CPXM1: variants seen among roughly 807,000 people sequenced by gnomAD.
CPXM1 encodes the protein probable carboxypeptidase X1.
Under a neutral mutation model 80.4 loss-of-function variants are expected in CPXM1, and 72 were observed. The ratio of observed to expected loss-of-function variants is 0.90; its 90% confidence interval spans 0.74 to 1.09. The LOEUF (loss-of-function observed/expected upper bound fraction) is 1.09. Ranked by LOEUF, CPXM1 falls within the 50% of genes least tolerant of loss-of-function variation. The probability of loss-of-function intolerance (pLI) is 0.00; values close to 1 mark genes in which losing one functional copy is unlikely to be tolerated. For missense variants in CPXM1, 892 were observed against 999.4 expected, an observed-to-expected ratio of 0.89 and a Z score of 1.45; for synonymous variants, 403 against 405.6, an observed-to-expected ratio of 0.99 and a Z score of 0.08.
At chr20:2,800,124 G>A (rs1600270089) in intron 1 of CPXM1, among the ~76,000 whole-genome samples, 1 of 114,744 alleles carries the variant, frequency 8.7e-6, no homozygotes, top group African/African-American at 3.3e-5. Flanking sequence ...GTGCGCGCGC[G>A]TGCACTGTGT....
rs1324670344 is a variant in CPXM1, at chr20:2,795,497, AC to A, written c.1721-82del. On this transcript the variant is annotated intron_variant, in intron 11 of 13. Coordinates refer to ENST00000380605, the MANE Select transcript of CPXM1 (RefSeq NM_019609.5). This position sits in a 1 kb window ranked among gnomAD's most constrained non-coding sequence, Gnocchi z 5.4. ...CGCTACCCTCCCTTCTCTGAGGGAC[AC>A]TTCAGAGTGGGAACAGACGCCAGCA... is the stretch of plus-strand genomic sequence containing the variant. The A allele has an allele frequency of 6.3e-7, 1 of 1,583,046 alleles. No individual in the cohort carries two copies. Among genetic ancestry groups the A allele is most frequent in the African/African-American group, 1.3e-5 (1 of 74,448 alleles).
chr20:2,796,716 G>A lies in CPXM1; in HGVS notation c.922-66C>T. Reference sequence around the variant, plus strand: ...GTACACCCAGGGGCAGATCACATGTGCCATGGAAAGACTTAAAAAGTCAGC... The same window carrying A: ...GTACACCCAGGGGCAGATCACATGTACCATGGAAAGACTTAAAAAGTCAGC... On this transcript the variant is annotated intron_variant, in intron 7 of 13. Coordinates refer to ENST00000380605, the MANE Select transcript of CPXM1 (RefSeq NM_019609.5). The surrounding 1 kb of genome is among the most constrained non-coding windows in gnomAD (Gnocchi z 6.8). The A allele has an allele frequency of 1.3e-6, 2 of 1,588,940 alleles. No individual in the cohort carries two copies. The highest frequency in any genetic ancestry group is 1.7e-6 in the Non-Finnish European group (2 of 1,165,338).
rs1343753883 is a variant in CPXM1, at chr20:2,796,413, A to G, written c.1076T>C (p.Met359Thr). The stretch of plus-strand genomic sequence containing the variant: ...CCGCCCCAGGGCCTCGTTCCCATGC[A>G]TGCCAGCCACGTAGCGCACCTCAGG... ...GEPEVRYVAG[M>T]HGNEALGREL... is the part of the protein sequence containing the mutation. Residue 359 changes from methionine to threonine, a missense_variant, in exon 9 of 14, where the codon ATG (methionine) becomes ACG (threonine). Met to Thr is a moderately conservative substitution (Grantham distance 81). Transcript: ENST00000380605. This position sits in a 1 kb window ranked among gnomAD's most constrained non-coding sequence, Gnocchi z 6.8. 3.1e-6 allele frequency: 5 copies of G among 1,614,084 alleles called. No individual in the cohort carries two copies. The highest frequency in any genetic ancestry group is 4.2e-6 in the Non-Finnish European group (5 of 1,179,984).
chr20:2,795,725 G>A lies in CPXM1; in HGVS notation c.1594C>T (p.Leu532Phe), dbSNP rs2088498612. The change falls in exon 11 of 14, where the codon CTC (leucine) becomes TTC (phenylalanine). Residue 532 changes from leucine to phenylalanine, a missense_variant. Physicochemically the swap from Leu to Phe is conservative, Grantham distance 22. Coordinates refer to ENST00000380605, the MANE Select transcript of CPXM1 (RefSeq NM_019609.5). This position sits in a 1 kb window ranked among gnomAD's most constrained non-coding sequence, Gnocchi z 5.4. ...TTACTGCCAGCATAGACAGTGCTGA[G>A]CCAGCGAAACACAGCATCATCTGGT... Reference protein sequence around the residue: ...PTPDDAVFRWLSTVYAGSNLA... With the variant: ...PTPDDAVFRWFSTVYAGSNLA... The A allele has an allele frequency of 1.2e-6, 2 of 1,613,972 alleles. No homozygotes were observed. Among genetic ancestry groups the A allele is most frequent in the East Asian group, 2.2e-5 (1 of 44,888 alleles).
Position 2,795,676 on chromosome 20 carries a change from C to T in CPXM1, c.1643G>A (p.Arg548His), listed in dbSNP as rs1378424023. The change falls in exon 11 of 14, where the codon CGC (arginine) becomes CAC (histidine). Residue 548 changes from arginine to histidine, a missense_variant. By Grantham distance (29) the Arg-to-His change is conservative. This residue lies in a region of CPXM1 where 874 missense variants were observed against 958.4 expected (regional missense o/e 0.91). Transcript: ENST00000380605. This position sits in a 1 kb window ranked among gnomAD's most constrained non-coding sequence, Gnocchi z 5.4. ...GSNLAMQDTS[R>H]RPCHSQDFSV... ...GAAGTCCTGGCTGTGGCAGGGTCGG[C>T]GGCTGGTGTCCTGCATGGCCAGATT... 34 of 1,613,896 alleles carry T rather than the reference C, an allele frequency of 2.1e-5. No homozygotes were observed. The highest frequency in any genetic ancestry group is 2.5e-5 in the Non-Finnish European group (30 of 1,180,024).
chr20:2,797,375 C>A, intron 5 of CPXM1, 33 bp from the exon 6 acceptor site: 1 of 1,447,532 alleles, frequency 6.9e-7, no homozygotes, highest in East Asian at 2.5e-5. Context: ...TGTGGCTGCT[C>A]AAACCCCAGA....
chr20:2,798,132 C>T lies in CPXM1; in HGVS notation c.590+20G>A, dbSNP rs1333691246. 1.9e-6 allele frequency: 3 copies of T among 1,613,736 alleles called. No homozygotes were observed. Among genetic ancestry groups the T allele is most frequent in the Admixed American group, 3.3e-5 (2 of 60,008 alleles). Reference sequence around the variant, plus strand: ...CCCAGTCCTTCTGTGACCTCCTGACCTAGGGTTAGTCTGCCTCACCTCCAG... The same window carrying T: ...CCCAGTCCTTCTGTGACCTCCTGACTTAGGGTTAGTCTGCCTCACCTCCAG... On this transcript the variant is annotated intron_variant, in intron 4 of 13. Coordinates refer to ENST00000380605, the MANE Select transcript of CPXM1 (RefSeq NM_019609.5).
Position 2,795,915 on chromosome 20 carries a change from G to A in CPXM1, c.1423-19C>T, listed in dbSNP as rs2088501626. The A allele has an allele frequency of 6.2e-7, 1 of 1,605,274 alleles. No homozygotes were observed. The highest frequency in any genetic ancestry group is 1.1e-5 in the South Asian group (1 of 90,472). ...GAGCCACCTGGATGGGGCAGGTCAG[G>A]AGGGGCAGGAGACAGAGACAAGGTC... On this transcript the variant is annotated intron_variant, in intron 10 of 13. Transcript: ENST00000380605. The surrounding 1 kb of genome is among the most constrained non-coding windows in gnomAD (Gnocchi z 5.4).
At position 2,797,304 on chromosome 20, in the gene CPXM1, C is replaced by T; in HGVS notation, c.720G>A (p.Leu240=). Residue 240 remains leucine, a synonymous_variant, in exon 6 of 14, where the codon CTG becomes CTA. Coordinates refer to ENST00000380605, the MANE Select transcript of CPXM1 (RefSeq NM_019609.5). ...PANSDPETPV[L]NLLPEPQVAR... is the part of the protein sequence containing the mutation. Reference sequence around the variant, plus strand: ...CCACCTGGGGCTCCGGCAGGAGGTTCAGCACTGGAGTTTCTGGGTCTGAAT... The same window carrying T: ...CCACCTGGGGCTCCGGCAGGAGGTTTAGCACTGGAGTTTCTGGGTCTGAAT... The T allele has an allele frequency of 6.4e-7, 1 of 1,555,222 alleles. No individual in the cohort carries two copies. Among genetic ancestry groups the T allele is most frequent in the Non-Finnish European group, 8.7e-7 (1 of 1,151,142 alleles).
Position 2,799,948 on chromosome 20 carries a change from G to A in CPXM1, c.172+453C>T, listed in dbSNP as rs185290618. Among the ~76,000 whole-genome samples, 24 of 152,362 alleles carry A rather than the reference G, an allele frequency of 1.6e-4. No individual in the cohort carries two copies. In the East Asian group the frequency reaches 2.3e-3, roughly 15 times the overall value. Reference sequence around the variant, plus strand: ...GGCCTGTTTTGTCTTTGGTGAAAAGGGAAGGTTTGGGGCTTGGAAGAGGCA... The same window carrying A: ...GGCCTGTTTTGTCTTTGGTGAAAAGAGAAGGTTTGGGGCTTGGAAGAGGCA... On this transcript the variant is annotated intron_variant, in intron 1 of 13. Transcript: ENST00000380605.
intron 4 of CPXM1, 26 bp downstream of exon 4, chr20:2,798,116 TCTGTGACCTC>T: frequency 6.2e-7 from 1 of 1,613,700 alleles, no homozygotes; most frequent in South Asian, 1.1e-5. Context: ...CCCCAGTCCT[TCTGTGACCTC>T]CTGACCTAGG....
Position 2,794,762 on chromosome 20 carries a change from T to G in CPXM1, c.1861-123A>C. On this transcript the variant is annotated intron_variant, in intron 12 of 13. Transcript: ENST00000380605. This position sits in a 1 kb window ranked among gnomAD's most constrained non-coding sequence, Gnocchi z 5.2. ...GTGGTAGGTCTACTGTGTTCCTAGG[T>G]GACACTACTTCTGGAAGAAAAAAAA... is the stretch of plus-strand genomic sequence containing the variant. 1 of 661,070 alleles carries G rather than the reference T, an allele frequency of 1.5e-6. No homozygotes were observed. The highest frequency in any genetic ancestry group is 1.8e-5 in the African/African-American group (1 of 54,306). 41.0% of individuals were successfully genotyped at this position (661,070 alleles called of 1,614,324 possible).
chr20:2,796,543 A>C lies in CPXM1; in HGVS notation c.1029T>G (p.Pro343=), dbSNP rs778713002. ...KLYVMEMSDK[P]GEHELGEPEV... is the part of the protein sequence containing the mutation. ...TGCCAGTACCCAGCTCATGCTCCCC[A>C]GGCTTGTCCGACATTTCCATCACAT... Residue 343 remains proline (P), a synonymous_variant, in exon 8 of 14, where the codon CCT becomes CCG. Transcript: ENST00000380605. The surrounding 1 kb of genome is among the most constrained non-coding windows in gnomAD (Gnocchi z 6.8). 1 of 1,614,084 alleles carries C rather than the reference A, an allele frequency of 6.2e-7. No homozygotes were observed. The highest frequency in any genetic ancestry group is 8.5e-7 in the Non-Finnish European group (1 of 1,180,002).
chr20:2,798,428 C>A lies in CPXM1; in HGVS notation c.450G>T (p.Gln150His). 1 of 1,612,552 alleles carries A rather than the reference C, an allele frequency of 6.2e-7. No individual in the cohort carries two copies. The highest frequency in any genetic ancestry group is 8.5e-7 in the Non-Finnish European group (1 of 1,179,090). Residue 150 changes from glutamine to histidine, a missense_variant and splice_region_variant, in exon 3 of 14, where the codon CAG becomes CAT. Physicochemically the swap from Gln to His is conservative, Grantham distance 24. Transcript: ENST00000380605. ...LGPHRGRLNIQSGLEDGDLYD... is the reference protein window; with the variant it reads ...LGPHRGRLNIHSGLEDGDLYD... ...ATGGCTCCGAGCCAGGATTACTGACCTGAATGTTGAGCCGTCCTCGGTGTG... is the reference window on the plus strand; with the variant it reads ...ATGGCTCCGAGCCAGGATTACTGACATGAATGTTGAGCCGTCCTCGGTGTG...
chr20:2,797,214 C>A lies in CPXM1; in HGVS notation c.810G>T (p.Glu270Asp). The A allele has an allele frequency of 6.3e-7, 1 of 1,584,556 alleles. No individual in the cohort carries two copies. Among genetic ancestry groups the A allele is most frequent in the South Asian group, 1.1e-5 (1 of 88,454 alleles). ...CACCTGAGACTGGGCAGGCCAGGAT[C>A]TCTGCCCGGAGGCAAGGCGCGCCTC... ...LQGGAPCLRAEILACPVSDPN... is the reference protein window; with the variant it reads ...LQGGAPCLRADILACPVSDPN... Residue 270 changes from glutamate to aspartate, a missense_variant, in exon 6 of 14, where the codon GAG becomes GAT. Around this residue, in one of 2 missense-constraint regions of CPXM1, gnomAD observed 874 missense variants for 958.4 expected, o/e 0.91. Transcript: ENST00000380605.
rs953090673 is a variant in CPXM1, at chr20:2,800,568, C to T, written c.5G>A (p.Trp2Ter). 1.1e-5 allele frequency: 15 copies of T among 1,338,334 alleles called. No individual in the cohort carries two copies. In the South Asian group the frequency reaches 2.8e-4, roughly 25 times the overall value. 82.9% of individuals were successfully genotyped at this position (1,338,334 alleles called of 1,614,324 possible). ...GGCGGCCAGGGCGAGCAGGAGCCCC[C>T]ACATGGCGGGGATTGAGTGCCAGGG... The part of the protein sequence containing the change: M[W>*]GLLLALAAFA... The change falls in exon 1 of 14, where the codon TGG (tryptophan) becomes TAG (stop). Residue 2 changes from tryptophan (W) to a stop codon, truncating the protein, a stop_gained. Transcript: ENST00000380605. LOFTEE classifies it high-confidence loss of function.
Position 2,800,547 on chromosome 20 carries a change from GC to G in CPXM1, c.25del (p.Ala9ProfsTer68). 1 of 1,351,334 alleles carries G rather than the reference GC, an allele frequency of 7.4e-7. No individual in the cohort carries two copies. Among genetic ancestry groups the G allele is most frequent in the South Asian group, 1.8e-5 (1 of 55,736 alleles). 83.7% of individuals were successfully genotyped at this position (1,351,334 alleles called of 1,614,324 possible). A position where few individuals can be genotyped will look rare whatever the true frequency, so the allele number is the denominator to read the frequency against. The stretch of plus-strand genomic sequence containing the variant: ...CGGGCCGACGGCCGGCGCGAAGGCG[GC>G]CAGGGCGAGCAGGAGCCCCCACATG... MWGLLLAL[A>X]AFAPAVGPAL... On this transcript the variant is annotated frameshift_variant, in exon 1 of 14. Coordinates refer to ENST00000380605, the MANE Select transcript of CPXM1 (RefSeq NM_019609.5). LOFTEE classifies it high-confidence loss of function.
chr20:2,797,107 G>A lies in CPXM1; in HGVS notation c.833-13C>T, dbSNP rs558784547. 3.7e-6 allele frequency: 6 copies of A among 1,614,014 alleles called. No individual in the cohort carries two copies. The Admixed American group carries it at 6.7e-5, about 18-fold the overall frequency. On this transcript the variant is annotated splice_polypyrimidine_tract_variant and intron_variant, in intron 6 of 13. Transcript: ENST00000380605. ...AGGTCATTGGGGTCTGGTGGAGGTTGAGTTTATGGTAAAGGGTGTGTCCAC... is the reference window on the plus strand; with the variant it reads ...AGGTCATTGGGGTCTGGTGGAGGTTAAGTTTATGGTAAAGGGTGTGTCCAC...
Position 2,800,531 on chromosome 20 carries a change from G to C in CPXM1, c.42C>G (p.Ala14=). The C allele has an allele frequency of 7.4e-7, 1 of 1,357,714 alleles. No individual in the cohort carries two copies. The highest frequency in any genetic ancestry group is 9.4e-7 in the Non-Finnish European group (1 of 1,061,046). The allele number at this position is 1,357,714 out of a possible 1,614,324, so 84.1% of individuals were successfully genotyped here. A position where few individuals can be genotyped will look rare whatever the true frequency, so the allele number is the denominator to read the frequency against. The change falls in exon 1 of 14, where the codon GCC becomes GCG. Residue 14 remains alanine, a synonymous_variant. Coordinates refer to ENST00000380605, the MANE Select transcript of CPXM1 (RefSeq NM_019609.5). Reference sequence around the variant, plus strand: ...TGGGCGCCCCCAGAGCCGGGCCGACGGCCGGCGCGAAGGCGGCCAGGGCGA... The same window carrying C: ...TGGGCGCCCCCAGAGCCGGGCCGACCGCCGGCGCGAAGGCGGCCAGGGCGA... ...LLLALAAFAP[A]VGPALGAPRN...
Sources: gnomAD v4.1 joint callset for allele counts (sites outside exome capture counted in the v4.1 genomes callset) on GRCh38, gnomAD v4.1.1 for gene constraint, gnomAD v4.1.1 regional missense constraint, Gnocchi (gnomAD v3.1) non-coding constraint, MANE v1.5 for transcripts, NCBI Gene and HGNC (gene_info 2026-07-23, HGNC 2026-07-21) for gene names.